The following NOSIP variants were observed in gnomAD, a reference collection of about 807,000 sequenced individuals.
The protein encoded by NOSIP is nitric oxide synthase interacting protein.
NOSIP carries 25 observed loss-of-function variants against 36.4 expected under a neutral mutation model. The ratio of observed to expected loss-of-function variants is 0.69; its 90% CI spans 0.50 to 0.96. The LOEUF (loss-of-function observed/expected upper bound fraction) is 0.96, where lower values mean the gene tolerates loss of function less well. Among genes scored for constraint, NOSIP ranks in the 40% least tolerant of loss-of-function variants. The probability of loss-of-function intolerance (pLI) is 0.00; values close to 1 mark genes in which losing one functional copy is unlikely to be tolerated. For missense variants in NOSIP, 370 were observed against 429.0 expected (o/e 0.86, Z 1.21); for synonymous variants, 187 against 179.2 (o/e 1.04, Z -0.35).
At chr19:49,561,966 T>A (rs2080341558) in intron 1 of NOSIP, among the ~76,000 whole-genome samples, 1 of 152,186 alleles carries the variant, frequency 6.6e-6, no homozygotes, top group African/African-American at 2.4e-5. Context: ...TTGATCATTT[T>A]AACTTTTACT....
chr19:49,573,476 T>A (rs1248902682), intron 1 of NOSIP, among the ~76,000 whole-genome samples: 1 of 152,116 alleles, frequency 6.6e-6, no homozygotes, highest in East Asian at 1.9e-4. Context: ...TGGGTTGAAC[T>A]TCAGCCTGGG....
chr19:49,570,496 C>G (rs1017753555), intron 1 of NOSIP, among the ~76,000 whole-genome samples: 1 of 152,122 alleles, frequency 6.6e-6, no homozygotes, highest in African/African-American at 2.4e-5. Context: ...TGACCACGAC[C>G]CTATGGAGAT....
In NOSIP at chr19:49,560,776, C is replaced by T; in HGVS notation, c.-1-84G>A. On this transcript the variant is annotated intron_variant, in intron 1 of 8. Transcript: ENST00000596358. The surrounding 1 kb of genome is among the most constrained non-coding windows in gnomAD (Gnocchi z 4.6). Reference sequence around the variant, plus strand: ...GACCTCTGCAGCCCTCAGAGCTGATCTGCCCCCCTTGATGGGAAAGCGGAG... The same window carrying T: ...GACCTCTGCAGCCCTCAGAGCTGATTTGCCCCCCTTGATGGGAAAGCGGAG... 1.9e-6 allele frequency: 2 copies of T among 1,043,286 alleles called. No individual in the cohort carries two copies. Among genetic ancestry groups the T allele is most frequent in the South Asian group, 1.4e-5 (1 of 73,368 alleles). The allele number at this position is 1,043,286 out of a possible 1,614,324, so 64.6% of individuals were successfully genotyped here.
At chr19:49,577,425 C>G (rs764702712) in intron 1 of NOSIP, among the ~76,000 whole-genome samples, 9 of 151,970 alleles carry the variant, frequency 5.9e-5, no homozygotes, top group Non-Finnish European at 1.3e-4. Context: ...GGCGTGGTAG[C>G]GCATGCCTGT....
In NOSIP at chr19:49,559,707, G is replaced by A. The variant is rs968747680; in HGVS notation, c.176+227C>T. 22 of 551,508 alleles carry A rather than the reference G, an allele frequency of 4.0e-5. No homozygotes were observed. The African/African-American group carries it at 4.2e-4, about 10-fold the overall frequency. 34.2% of individuals were successfully genotyped at this position (551,508 alleles called of 1,614,324 possible). On this transcript the variant is annotated intron_variant, in intron 3 of 8. Transcript: ENST00000596358. ...TCCGATGGCCTCGGCAATGCTCTGA[G>A]AGCCCTACACCCCATTAGAAGTATG...
intron 1 of NOSIP, among the ~76,000 whole-genome samples, chr19:49,577,652 T>TA (rs1365340952): frequency 1.4e-5 from 2 of 148,120 alleles, no homozygotes; most frequent in African/African-American, 5.0e-5. Flanking sequence ...GTAATCCCAG[T>TA]ACTTTGGGAG....
intron 1 of NOSIP, chr19:49,566,646 G>A (rs1477494927): frequency 1.3e-5 from 2 of 152,104 alleles, no homozygotes; most frequent in African/African-American, 2.4e-5. Flanking sequence ...GATTCAAAGG[G>A]TGTGTGCATT....
chr19:49,566,242 G>A (rs548526705), intron 1 of NOSIP, among the ~76,000 whole-genome samples: 11 of 152,158 alleles, frequency 7.2e-5, no homozygotes, highest in Admixed American at 2.0e-4. Flanking sequence ...GGATGGTCTC[G>A]ATCTCCTGAC....
intron 1 of NOSIP, among the ~76,000 whole-genome samples, chr19:49,577,555 AAG>A (rs1277356205): frequency 6.6e-6 from 1 of 151,230 alleles, no homozygotes; most frequent in Non-Finnish European, 1.5e-5. Flanking sequence ...AAGAAAAAAA[AAG>A]AAAAGAAGTA....
At position 49,560,148 on chromosome 19, in the gene NOSIP, G is replaced by A; in HGVS notation, c.71-109C>T. ...AGACAACGCGGTGGTGGGGGTGGGGGACTCAGAGAGAAACAGGCAGTTGGG... is the reference window on the plus strand; with the variant it reads ...AGACAACGCGGTGGTGGGGGTGGGGAACTCAGAGAGAAACAGGCAGTTGGG... On this transcript the variant is annotated intron_variant, in intron 2 of 8. Coordinates refer to ENST00000596358, the MANE Select transcript of NOSIP (RefSeq NM_001270960.2). The surrounding 1 kb of genome is among the most constrained non-coding windows in gnomAD (Gnocchi z 4.6). The A allele has an allele frequency of 1.4e-6, 1 of 715,930 alleles. No individual in the cohort carries two copies. Among genetic ancestry groups the A allele is most frequent in the South Asian group, 1.8e-5 (1 of 56,128 alleles). 44.3% of individuals were successfully genotyped at this position (715,930 alleles called of 1,614,324 possible).
intron 8 of NOSIP, 25 bp from the exon 9 acceptor site, chr19:49,555,847 A>G (rs2080230080): frequency 3.8e-6 from 6 of 1,597,696 alleles, no homozygotes; most frequent in African/African-American, 1.3e-5. Flanking sequence ...GAGAAGGACG[A>G]GGTAGAGGCC....
chr19:49,572,557 C>T (rs765492626), intron 1 of NOSIP, among the ~76,000 whole-genome samples: 21 of 151,930 alleles, frequency 1.4e-4, no homozygotes, highest in Non-Finnish European at 2.4e-4. Context: ...GAATTCCAGG[C>T]GTGTGCCACC....
Position 49,560,522 on chromosome 19 carries a change from G to A in NOSIP, c.70+100C>T, listed in dbSNP as rs2080318479. ...GGCCATCAGTGTATATCGGGGGCGG[G>A]AGAGAGACAGGGACAGAGGAAGCAA... On this transcript the variant is annotated intron_variant, in intron 2 of 8. Coordinates refer to ENST00000596358, the MANE Select transcript of NOSIP (RefSeq NM_001270960.2). The surrounding 1 kb of genome is among the most constrained non-coding windows in gnomAD (Gnocchi z 4.6). 2 of 867,274 alleles carry A rather than the reference G, an allele frequency of 2.3e-6. No homozygotes were observed. Among genetic ancestry groups the A allele is most frequent in the South Asian group, 1.5e-5 (1 of 67,812 alleles). The allele number at this position is 867,274 out of a possible 1,614,324, so 53.7% of individuals were successfully genotyped here.
At chr19:49,567,332 A>G (rs1190051508) in intron 1 of NOSIP, among the ~76,000 whole-genome samples, 1 of 149,524 alleles carries the variant, frequency 6.7e-6, no homozygotes, top group Non-Finnish European at 1.5e-5. Flanking sequence ...TGTGTTAGCC[A>G]GGATGGTCTC....
At chr19:49,565,168 T>G (rs1352401742) in intron 1 of NOSIP, among the ~76,000 whole-genome samples, 2 of 151,618 alleles carry the variant, frequency 1.3e-5, no homozygotes, top group Non-Finnish European at 2.9e-5. Flanking sequence ...CGCAGCTACT[T>G]GGGAGTCTGA....
rs1275549126 is a variant in NOSIP, at chr19:49,569,668, C to T, written c.-1-8976G>A. Among the ~76,000 whole-genome samples, 10 of 151,482 alleles carry T rather than the reference C, an allele frequency of 6.6e-5. No homozygotes were observed. In the East Asian group the frequency reaches 7.9e-4, roughly 12 times the overall value. On this transcript the variant is annotated intron_variant, in intron 1 of 8. Transcript: ENST00000596358. The stretch of plus-strand genomic sequence containing the variant: ...ACTAAAAATACAAAAATTAGCCGGG[C>T]GAGGTGGCAGGCGCCTGTAATCTCA...
chr19:49,578,743 T>C (rs1599769565), intron 1 of NOSIP, among the ~76,000 whole-genome samples: 1 of 150,192 alleles, frequency 6.7e-6, no homozygotes, highest in Admixed American at 6.7e-5. Flanking sequence ...GCCTCCCGGG[T>C]TCACGCAATT....
At position 49,555,655 on chromosome 19, in the gene NOSIP, A is replaced by G. The variant is rs759230633; in HGVS notation, c.*96T>C. The G allele has an allele frequency of 2.5e-5, 25 of 1,012,770 alleles. No homozygotes were observed. The highest frequency in any genetic ancestry group is 3.9e-5 in the Non-Finnish European group (25 of 648,312). The allele number at this position is 1,012,770 out of a possible 1,614,324, so 62.7% of individuals were successfully genotyped here. A position where few individuals can be genotyped will look rare whatever the true frequency, so the allele number is the denominator to read the frequency against. ...AGGAGCACTGTTTGCACGGCCCTGCATCCTCGCCTGCCCTGTCCCCGGGGC... is the reference window on the plus strand; with the variant it reads ...AGGAGCACTGTTTGCACGGCCCTGCGTCCTCGCCTGCCCTGTCCCCGGGGC... On this transcript the variant is annotated 3_prime_UTR_variant, in exon 9 of 9. Transcript: ENST00000596358.
chr19:49,571,110 G>T (rs1262322774), intron 1 of NOSIP, among the ~76,000 whole-genome samples: 1 of 151,150 alleles, frequency 6.6e-6, no homozygotes, highest in South Asian at 2.1e-4. Flanking sequence ...CCAAGTAGCT[G>T]AGATAACAGG....
Sources: gnomAD v4.1 joint callset for allele counts (sites outside exome capture counted in the v4.1 genomes callset) on GRCh38, gnomAD v4.1.1 for gene constraint, Gnocchi (gnomAD v3.1) non-coding constraint, MANE v1.5 for transcripts, NCBI Gene and HGNC (gene_info 2026-07-23, HGNC 2026-07-21) for gene names.